Variants in FSTL4 observed in about 807,000 individuals in gnomAD.
FSTL4 encodes the protein follistatin like 4.
In FSTL4, 28 loss-of-function variants were observed where a neutral mutation model predicts 78.2. The observed-to-expected ratio is 0.36, with a 90% CI of 0.27 to 0.49. FSTL4 has a LOEUF of 0.49. Among genes scored for constraint, FSTL4 ranks in the 20% least tolerant of loss-of-function variants. FSTL4 has a pLI of 0.98. For synonymous variants in FSTL4, 422 were observed against 440.5 expected (o/e 0.96, Z 0.53); for missense variants, 922 against 1,084.9 (o/e 0.85, Z 2.11).
intron 3 of FSTL4, among the ~76,000 whole-genome samples, chr5:133,433,735 G>A (rs1186032791): frequency 6.6e-6 from 1 of 152,200 alleles, no homozygotes; most frequent in Admixed American, 6.5e-5. Flanking sequence ...CCTCTTGGAG[G>A]AGGTGGATTT....
chr5:133,506,370 C>T (rs1758612554), intron 3 of FSTL4, among the ~76,000 whole-genome samples: 1 of 152,126 alleles, frequency 6.6e-6, no homozygotes. Flanking sequence ...CCATTATTAG[C>T]TTCCCAACCA....
At chr5:133,464,475 A>G (rs1757660529) in intron 3 of FSTL4, among the ~76,000 whole-genome samples, 1 of 152,232 alleles carries the variant, frequency 6.6e-6, no homozygotes, top group Admixed American at 6.5e-5. Context: ...TCTCTTTCAC[A>G]AAAGGAAAAC....
At chr5:133,733,754 A>C in the FSTL4 span, among the ~76,000 whole-genome samples, 3 of 152,246 alleles carry the variant, frequency 2.0e-5, no homozygotes, top group African/African-American at 4.8e-5. Context: ...TTCGTGTGTC[A>C]GGAGCTTGGA....
At chr5:133,546,536 GA>G (rs1469751129) in intron 3 of FSTL4, among the ~76,000 whole-genome samples, 1 of 144,990 alleles carries the variant, frequency 6.9e-6, no homozygotes, top group Non-Finnish European at 1.5e-5. Context: ...AAAAAAGAGT[GA>G]AAAAGTGTGT....
the FSTL4 span, among the ~76,000 whole-genome samples, chr5:133,657,308 A>G: frequency 1.3e-5 from 2 of 152,158 alleles, no homozygotes; most frequent in Non-Finnish European, 2.9e-5. Flanking sequence ...CACGGTGGAG[A>G]GCTGTGATGT....
chr5:133,820,130 C>A, the FSTL4 span, among the ~76,000 whole-genome samples: 1 of 152,208 alleles, frequency 6.6e-6, no homozygotes, highest in African/African-American at 2.4e-5. Context: ...GTCGCAGAGG[C>A]CTGTGTCCTC....
intron 1 of FSTL4, among the ~76,000 whole-genome samples, chr5:133,604,335 C>T (rs544414375): frequency 6.6e-6 from 1 of 152,260 alleles, no homozygotes; most frequent in East Asian, 1.9e-4. Context: ...GGTGGGTCAC[C>T]TCTATTAGGC....
the FSTL4 span, among the ~76,000 whole-genome samples, chr5:133,688,880 G>A: frequency 1.3e-5 from 2 of 152,210 alleles, no homozygotes; most frequent in African/African-American, 4.8e-5. Flanking sequence ...CCCCACGCCA[G>A]GCGAACTAAA....
intron 3 of FSTL4, among the ~76,000 whole-genome samples, chr5:133,500,868 G>C (rs1758479805): frequency 6.6e-6 from 1 of 151,760 alleles, no homozygotes; most frequent in South Asian, 2.1e-4. Context: ...AGAACAAACT[G>C]GACACACAGT....
intron 3 of FSTL4, among the ~76,000 whole-genome samples, chr5:133,406,690 C>T (rs767996214): frequency 1.3e-5 from 2 of 152,190 alleles, no homozygotes; most frequent in Non-Finnish European, 2.9e-5. Flanking sequence ...CAGAGAAGGC[C>T]ATGTGTAAAG....
the FSTL4 span, among the ~76,000 whole-genome samples, chr5:133,672,387 T>A: frequency 2.6e-5 from 4 of 152,326 alleles, no homozygotes; most frequent in African/African-American, 9.6e-5. Context: ...AAAAAACCCA[T>A]TTTTGGTTTA....
At chr5:133,588,223 G>A (rs1490479105) in intron 2 of FSTL4, among the ~76,000 whole-genome samples, 1 of 112,406 alleles carries the variant, frequency 8.9e-6, no homozygotes, top group African/African-American at 2.9e-5. Context: ...ACATAGGCGT[G>A]GGCAAGGACT....
chr5:133,496,321 T>C (rs1048826059), intron 3 of FSTL4, among the ~76,000 whole-genome samples: 1 of 152,194 alleles, frequency 6.6e-6, no homozygotes, highest in Non-Finnish European at 1.5e-5. Flanking sequence ...AGATGTTAAC[T>C]TGGAAGAGAA....
At chr5:133,736,984 A>T in the FSTL4 span, among the ~76,000 whole-genome samples, 3 of 152,092 alleles carry the variant, frequency 2.0e-5, no homozygotes, top group Non-Finnish European at 4.4e-5. Context: ...GGTACATGAG[A>T]TGTTTTAATA....
chr5:133,534,640 T>C (rs547907308), intron 3 of FSTL4, among the ~76,000 whole-genome samples: 9 of 152,296 alleles, frequency 5.9e-5, no homozygotes, highest in Non-Finnish European at 1.0e-4. Flanking sequence ...AAAATAATTT[T>C]AACAACACAA....
rs186181478 is a variant in FSTL4, at chr5:133,322,560, C to T, written c.410-5908G>A. The stretch of plus-strand genomic sequence containing the variant: ...GGTTCACTCATGAGTGGGTTGCCGC[C>T]GTGGGCAATGGGGGTTCAATCCCAT... On this transcript the variant is annotated intron_variant, in intron 4 of 15. Transcript: ENST00000265342. Among the ~76,000 whole-genome samples, 198 of 152,262 alleles carry T rather than the reference C, an allele frequency of 1.3e-3. 1 individual carries two copies. The highest frequency in any genetic ancestry group is 3.4e-3 in the Middle Eastern group (1 of 294).
chr5:133,682,783 T>C, the FSTL4 span, among the ~76,000 whole-genome samples: 2 of 152,198 alleles, frequency 1.3e-5, no homozygotes, highest in Non-Finnish European at 2.9e-5. Flanking sequence ...CCTACGGCAG[T>C]CTTGATGTTC....
the FSTL4 span, among the ~76,000 whole-genome samples, chr5:133,783,769 C>A: frequency 6.6e-6 from 1 of 152,186 alleles, no homozygotes; most frequent in Non-Finnish European, 1.5e-5. Flanking sequence ...CCAGACTGGA[C>A]TGTAGTTCAA....
chr5:133,248,943 GACC>G (rs1160622183), intron 7 of FSTL4, among the ~76,000 whole-genome samples: 1 of 152,078 alleles, frequency 6.6e-6, no homozygotes, highest in East Asian at 1.9e-4. Context: ...CCTCCACAGG[GACC>G]ACCCCTTCCC....
Sources: allele counts gnomAD v4.1 joint callset (sites outside exome capture counted in the v4.1 genomes callset), GRCh38; gene constraint gnomAD v4.1.1; transcripts MANE v1.5; gene names NCBI Gene and HGNC (gene_info 2026-07-23, HGNC 2026-07-21).